FNDC3A: variants seen among roughly 807,000 people sequenced by gnomAD.
FNDC3A encodes the protein fibronectin type III domain containing 3A.
In FNDC3A, 32 loss-of-function variants were observed where a neutral mutation model predicts 148.9. That is an observed-to-expected ratio of 0.21 (90% CI 0.16 to 0.29). The LOEUF (loss-of-function observed/expected upper bound fraction) is 0.29, where lower values mean the gene tolerates loss of function less well. Among genes scored for constraint, FNDC3A ranks in the 10% least tolerant of loss-of-function variants. The pLI is 1.00. For missense variants in FNDC3A, 1,191 were observed against 1,452.8 expected, an observed-to-expected ratio of 0.82 and a Z score of 2.93; for synonymous variants, 472 against 473.6, an observed-to-expected ratio of 1.00 and a Z score of 0.04.
At chr13:49,019,736 T>G (rs955670316) in intron 2 of FNDC3A, among the ~76,000 whole-genome samples, 3 of 152,220 alleles carry the variant, frequency 2.0e-5, no homozygotes, top group African/African-American at 7.2e-5. Context: ...ATGCTAATAT[T>G]TTTTCTTGGA....
chr13:49,159,069 G>C (rs1310659301), intron 8 of FNDC3A, among the ~76,000 whole-genome samples: 1 of 152,156 alleles, frequency 6.6e-6, no homozygotes, highest in African/African-American at 2.4e-5. Flanking sequence ...CTCCAGCTTT[G>C]TTCTTTTGGC....
intron 3 of FNDC3A, among the ~76,000 whole-genome samples, chr13:49,081,261 C>G (rs993698107): frequency 6.6e-6 from 1 of 152,082 alleles, no homozygotes; most frequent in African/African-American, 2.4e-5. Flanking sequence ...TGATTCCATG[C>G]CACTACATGT....
intron 8 of FNDC3A, among the ~76,000 whole-genome samples, chr13:49,154,173 T>G (rs1391637305): frequency 6.7e-6 from 1 of 149,816 alleles, no homozygotes; most frequent in Admixed American, 6.7e-5. Context: ...CTTCCATTTG[T>G]TTGTATCCTC....
Position 49,207,615 on chromosome 13 carries a change from G to T in FNDC3A, c.*220G>T, listed in dbSNP as rs532174503. ...CAATTTTGTTTTTTTTGTTAGGGTGGGTCTTCTTTTTTTCTTTCCCTCTCT... is the reference window on the plus strand; with the variant it reads ...CAATTTTGTTTTTTTTGTTAGGGTGTGTCTTCTTTTTTTCTTTCCCTCTCT... On this transcript the variant is annotated 3_prime_UTR_variant, in exon 26 of 26. Coordinates refer to ENST00000492622, the MANE Select transcript of FNDC3A (RefSeq NM_001079673.2). The T allele has an allele frequency of 3.4e-5, 14 of 405,830 alleles. No individual in the cohort carries two copies. The highest frequency in any genetic ancestry group is 2.8e-4 in the South Asian group (5 of 18,178). 25.1% of individuals were successfully genotyped at this position (405,830 alleles called of 1,614,324 possible).
intron 2 of FNDC3A, among the ~76,000 whole-genome samples, chr13:49,006,848 A>G (rs964946463): frequency 1.3e-5 from 2 of 152,064 alleles, no homozygotes; most frequent in Non-Finnish European, 2.9e-5. Context: ...TGGGCCAGGC[A>G]ATGTGCTTCA....
rs1886768027 is a variant in FNDC3A, at chr13:49,208,800, A to G, written c.*1405A>G. On this transcript the variant is annotated 3_prime_UTR_variant, in exon 26 of 26. Coordinates refer to ENST00000492622, the MANE Select transcript of FNDC3A (RefSeq NM_001079673.2). ...TATTATTTGAATTTTAGGATAGCGAATCACTAATTTTTAGTTGCTGAGGTT... is the reference window on the plus strand; with the variant it reads ...TATTATTTGAATTTTAGGATAGCGAGTCACTAATTTTTAGTTGCTGAGGTT... 6.6e-6 allele frequency: 1 copy of G among 152,644 alleles called. No individual in the cohort carries two copies. Among genetic ancestry groups the G allele is most frequent in the Non-Finnish European group, 1.5e-5 (1 of 68,022 alleles). 9.5% of individuals were successfully genotyped at this position (152,644 alleles called of 1,614,324 possible).
At chr13:48,996,031 G>A (rs1186627656) in intron 1 of FNDC3A, among the ~76,000 whole-genome samples, 2 of 152,160 alleles carry the variant, frequency 1.3e-5, no homozygotes, top group Non-Finnish European at 2.9e-5. Context: ...TTAGTATTTT[G>A]GATAAAGTCC....
At chr13:49,076,514 G>T (rs913471629) in intron 3 of FNDC3A, among the ~76,000 whole-genome samples, 3 of 151,364 alleles carry the variant, frequency 2.0e-5, no homozygotes, top group African/African-American at 7.3e-5. Flanking sequence ...CAAAGTGCTG[G>T]GATTACAGAC....
chr13:49,165,443 A>G lies in FNDC3A; in HGVS notation c.978-1801A>G, dbSNP rs117519460. 5.0e-3 allele frequency among the ~76,000 whole-genome samples: 755 copies of G among 152,294 alleles called. 8 individuals carry two copies. Among genetic ancestry groups the G allele is most frequent in the Non-Finnish European group, 5.3e-3 (362 of 68,026 alleles). On this transcript the variant is annotated intron_variant, in intron 8 of 25. Coordinates refer to ENST00000492622, the MANE Select transcript of FNDC3A (RefSeq NM_001079673.2). ...TATAACTTCTGCTATAAACAGTGTTATGGTGTCTGTGATTTCCACAGTGGC... is the reference window on the plus strand; with the variant it reads ...TATAACTTCTGCTATAAACAGTGTTGTGGTGTCTGTGATTTCCACAGTGGC...
At chr13:49,098,452 T>A (rs1250625166) in intron 3 of FNDC3A, among the ~76,000 whole-genome samples, 1 of 152,084 alleles carries the variant, frequency 6.6e-6, no homozygotes, top group Non-Finnish European at 1.5e-5. Flanking sequence ...AAAGAATGAT[T>A]CATCATTGTT....
chr13:49,192,927 TC>T (rs1885960155), intron 19 of FNDC3A, among the ~76,000 whole-genome samples: 1 of 152,148 alleles, frequency 6.6e-6, no homozygotes, highest in South Asian at 2.1e-4. Context: ...TTAAATAAAA[TC>T]CATTCAGCAT....
At chr13:49,155,366 C>A (rs1241544643) in intron 8 of FNDC3A, among the ~76,000 whole-genome samples, 1 of 150,520 alleles carries the variant, frequency 6.6e-6, no homozygotes, top group South Asian at 2.1e-4. Context: ...GTGGTGATAT[C>A]CCCTTTATCA....
chr13:49,198,238 A>G lies in FNDC3A; in HGVS notation c.2747A>G (p.Asn916Ser). ...GGAAAGGTTACAAGCTATATTATCA[A>G]CAATTTGCAACCAGATACAACATAC... is the stretch of plus-strand genomic sequence containing the variant. Reference protein sequence around the residue: ...TVGKVTSYIINNLQPDTTYRI... With the variant: ...TVGKVTSYIISNLQPDTTYRI... The change falls in exon 22 of 26, where the codon AAC becomes AGC. Residue 916 changes from asparagine to serine, a missense_variant. Physicochemically the swap from Asn to Ser is conservative, Grantham distance 46. This residue lies in a region of FNDC3A where 751 missense variants were observed against 944.0 expected (regional missense o/e 0.80). Transcript: ENST00000492622. The G allele has an allele frequency of 2.5e-6, 4 of 1,614,046 alleles. No homozygotes were observed. The East Asian group carries it at 8.9e-5, about 36-fold the overall frequency.
intron 8 of FNDC3A, among the ~76,000 whole-genome samples, chr13:49,163,360 TC>T (rs1375951760): frequency 6.6e-6 from 1 of 152,174 alleles, no homozygotes. Context: ...TCCCCCAGCC[TC>T]GCTGCCACCT....
At chr13:49,180,589 G>A (rs1885253780) in intron 14 of FNDC3A, among the ~76,000 whole-genome samples, 1 of 152,128 alleles carries the variant, frequency 6.6e-6, no homozygotes, top group Admixed American at 6.5e-5. Context: ...CTCCTAAAGA[G>A]GAAGTTGTTA....
At chr13:49,069,037 C>G (rs1377649936) in intron 2 of FNDC3A, among the ~76,000 whole-genome samples, 1 of 151,892 alleles carries the variant, frequency 6.6e-6, no homozygotes. Flanking sequence ...CAAACCTACA[C>G]GTGTACCGTG....
chr13:49,107,293 A>T (rs1045268399), intron 3 of FNDC3A, among the ~76,000 whole-genome samples: 3 of 152,226 alleles, frequency 2.0e-5, no homozygotes, highest in Admixed American at 2.0e-4. Context: ...ATGTTAGAAA[A>T]TAGAGTTACT....
At chr13:48,977,250 A>C (rs1483489268) in intron 1 of FNDC3A, among the ~76,000 whole-genome samples, 1 of 151,908 alleles carries the variant, frequency 6.6e-6, no homozygotes, top group East Asian at 1.9e-4. Flanking sequence ...CAACGTAATT[A>C]TTTTGCTTCT....
chr13:48,991,204 C>T (rs184313480), intron 1 of FNDC3A, among the ~76,000 whole-genome samples: 348 of 152,252 alleles, frequency 2.3e-3, no homozygotes, highest in Admixed American at 3.5e-3. Flanking sequence ...ACAAGAAATC[C>T]ACTTTAAGTG....
Sources: gnomAD v4.1 joint callset for allele counts (sites outside exome capture counted in the v4.1 genomes callset) on GRCh38, gnomAD v4.1.1 for gene constraint, gnomAD v4.1.1 regional missense constraint, MANE v1.5 for transcripts, NCBI Gene and HGNC (gene_info 2026-07-23, HGNC 2026-07-21) for gene names.